The following SDC2 variants were observed in gnomAD, a reference collection of about 807,000 sequenced individuals.
SDC2 encodes syndecan 2, also known as syndecan-2.
SDC2 carries 13 observed loss-of-function variants against 22.2 expected under a neutral mutation model. The observed-to-expected ratio is 0.59, with a 90% CI of 0.38 to 0.93. The LOEUF (loss-of-function observed/expected upper bound fraction) is 0.93, where lower values mean the gene tolerates loss of function less well. Ranked by LOEUF, SDC2 falls within the 40% of genes least tolerant of loss-of-function variation. SDC2 has a pLI of 0.00. For missense variants in SDC2, 235 were observed against 246.8 expected (o/e 0.95, Z 0.32); for synonymous variants, 94 against 92.8 (o/e 1.01, Z -0.07).
intron 1 of SDC2, among the ~76,000 whole-genome samples, chr8:96,510,752 A>T (rs1275467752): frequency 6.6e-6 from 1 of 152,192 alleles, no homozygotes; most frequent in Non-Finnish European, 1.5e-5. Context: ...TAAGTCTGTA[A>T]TATCTAGAGT....
At chr8:96,596,180 G>C (rs1161600274) in intron 2 of SDC2, among the ~76,000 whole-genome samples, 1 of 152,206 alleles carries the variant, frequency 6.6e-6, no homozygotes, top group Non-Finnish European at 1.5e-5. Flanking sequence ...GAAGGTAATA[G>C]AACTGGGATA....
Position 96,581,254 on chromosome 8 carries a change from T to A in SDC2, c.61-12226T>A, listed in dbSNP as rs112814848. 6.3e-3 allele frequency among the ~76,000 whole-genome samples: 954 copies of A among 152,322 alleles called. 11 individuals are homozygous for A. Among genetic ancestry groups the A allele is most frequent in the African/African-American group, 0.022 (914 of 41,578 alleles). ...AAAGTGCTTCTTAAGTAGTATTTTT[T>A]AATTAAGCATGTAATTTTATCATTT... On this transcript the variant is annotated intron_variant, in intron 1 of 4. Coordinates refer to ENST00000302190, the MANE Select transcript of SDC2 (RefSeq NM_002998.4).
chr8:96,580,402 T>C, intron 1 of SDC2: 2 of 985,458 alleles, frequency 2.0e-6, no homozygotes, highest in Non-Finnish European at 2.4e-6. Context: ...AAAGGGATAA[T>C]GCAACCGATA....
intron 1 of SDC2, among the ~76,000 whole-genome samples, chr8:96,569,110 A>T (rs554773756): frequency 6.6e-6 from 1 of 152,278 alleles, no homozygotes; most frequent in African/African-American, 2.4e-5. Context: ...CCTAGGCTCA[A>T]GTGATCCTCC....
At chr8:96,564,937 A>G (rs1174882709) in intron 1 of SDC2, among the ~76,000 whole-genome samples, 1 of 152,090 alleles carries the variant, frequency 6.6e-6, no homozygotes, top group Non-Finnish European at 1.5e-5. Flanking sequence ...ACTTTGCTTC[A>G]TAAACTTTGA....
chr8:96,566,449 G>A (rs1814300095), intron 1 of SDC2, among the ~76,000 whole-genome samples: 1 of 152,138 alleles, frequency 6.6e-6, no homozygotes, highest in African/African-American at 2.4e-5. Context: ...AAAGCATATT[G>A]TGCAGGGGTT....
intron 1 of SDC2, among the ~76,000 whole-genome samples, chr8:96,565,846 C>T (rs897448714): frequency 2.0e-5 from 3 of 152,042 alleles, no homozygotes; most frequent in African/African-American, 7.2e-5. Context: ...GATCAAAGAC[C>T]TGGAAGTTGT....
chr8:96,606,774 G>T (rs937044277), intron 3 of SDC2, among the ~76,000 whole-genome samples: 6 of 152,216 alleles, frequency 3.9e-5, no homozygotes, highest in South Asian at 2.1e-4. Context: ...GATAATTTCT[G>T]TGTAAATAAT....
At position 96,522,124 on chromosome 8, in the gene SDC2, G is replaced by A. The variant is rs1388712730; in HGVS notation, c.60+27793G>A. On this transcript the variant is annotated intron_variant, in intron 1 of 4. Coordinates refer to ENST00000302190, the MANE Select transcript of SDC2 (RefSeq NM_002998.4). ...TATTGAGATATAGTGGAATGTCTTT[G>A]TTTGCATTTATTCTTTTTCTGGGAT... 2.6e-5 allele frequency among the ~76,000 whole-genome samples: 4 copies of A among 152,054 alleles called. No homozygotes were observed. In the East Asian group the frequency reaches 7.7e-4, roughly 29 times the overall value.
At chr8:96,545,324 T>G (rs933577666) in intron 1 of SDC2, among the ~76,000 whole-genome samples, 1 of 152,210 alleles carries the variant, frequency 6.6e-6, no homozygotes, top group African/African-American at 2.4e-5. Context: ...CCTGTAGATA[T>G]GGGACTGGCC....
intron 1 of SDC2, among the ~76,000 whole-genome samples, chr8:96,576,524 A>G (rs1814506427): frequency 9.4e-6 from 1 of 105,908 alleles, no homozygotes; most frequent in African/African-American, 3.3e-5. Flanking sequence ...GATTCATGCC[A>G]TTCTCCTGCC....
intron 1 of SDC2, among the ~76,000 whole-genome samples, chr8:96,539,388 G>A (rs1310828979): frequency 2.0e-5 from 3 of 152,112 alleles, no homozygotes; most frequent in Non-Finnish European, 4.4e-5. Context: ...GCTTTGTAGG[G>A]TTGTGCACGT....
In SDC2 at chr8:96,543,707, G is replaced by T. The variant is rs546592216; in HGVS notation, c.60+49376G>T. Among the ~76,000 whole-genome samples the T allele has an allele frequency of 5.3e-5, 8 of 152,274 alleles. No individual in the cohort carries two copies. In the South Asian group the frequency reaches 1.7e-3, roughly 32 times the overall value. On this transcript the variant is annotated intron_variant, in intron 1 of 4. Coordinates refer to ENST00000302190, the MANE Select transcript of SDC2 (RefSeq NM_002998.4). ...TCCATTTCTCTTTGGCGTCCCTGGT[G>T]TGTGCTTCAGCCTGAGCCAAATGCT...
chr8:96,580,257 C>CT, intron 1 of SDC2: 1 of 351,962 alleles, frequency 2.8e-6, no homozygotes, highest in Non-Finnish European at 4.0e-6. Flanking sequence ...CAGCCGCATT[C>CT]TTTAGCCTCC....
chr8:96,496,075 G>C (rs1028195658), intron 1 of SDC2, among the ~76,000 whole-genome samples: 3 of 152,118 alleles, frequency 2.0e-5, no homozygotes, highest in Non-Finnish European at 4.4e-5. Flanking sequence ...TCAAGAGCCT[G>C]CCTAAAAAAC....
chr8:96,580,116 C>A (rs558202024), intron 1 of SDC2, among the ~76,000 whole-genome samples: 147 of 152,330 alleles, frequency 9.7e-4, no homozygotes, highest in African/African-American at 3.4e-3. Context: ...GGGGGCTGCG[C>A]TGCAATGTGA....
At chr8:96,503,483 A>C (rs887844401) in intron 1 of SDC2, among the ~76,000 whole-genome samples, 10 of 152,230 alleles carry the variant, frequency 6.6e-5, no homozygotes, top group African/African-American at 2.4e-4. Flanking sequence ...GTATAAAGAT[A>C]ATGTATATAT....
chr8:96,605,353 G>A (rs1815059732), intron 3 of SDC2, among the ~76,000 whole-genome samples: 1 of 152,156 alleles, frequency 6.6e-6, no homozygotes, highest in Non-Finnish European at 1.5e-5. Flanking sequence ...TAGTAAAGCA[G>A]TACTAATGAG....
At chr8:96,499,499 G>A (rs565810236) in intron 1 of SDC2, among the ~76,000 whole-genome samples, 3 of 152,358 alleles carry the variant, frequency 2.0e-5, no homozygotes, top group Admixed American at 2.0e-4. Flanking sequence ...GTTTTCAGCA[G>A]TAGCTGGGCT....
Sources: allele counts gnomAD v4.1 joint callset (sites outside exome capture counted in the v4.1 genomes callset), GRCh38; gene constraint gnomAD v4.1.1; transcripts MANE v1.5; gene names NCBI Gene and HGNC (gene_info 2026-07-23, HGNC 2026-07-21).